The following CORO7 variants were observed in gnomAD, a reference collection of about 807,000 sequenced individuals.
The protein encoded by CORO7 is coronin 7.
In CORO7, 107 loss-of-function variants were observed where a neutral mutation model predicts 126.6. The ratio of observed to expected loss-of-function variants is 0.85; its 90% CI spans 0.72 to 0.99. The LOEUF (loss-of-function observed/expected upper bound fraction) is 0.99, where lower values mean the gene tolerates loss of function less well. CORO7 is among the 50% of genes least tolerant of loss of function. The pLI is 0.00. For missense variants in CORO7, 1,314 were observed against 1,255.8 expected (o/e 1.05, Z -0.70); for synonymous variants, 603 against 536.8 (o/e 1.12, Z -1.70).
intron 9 of CORO7, chr16:4,382,551 C>T (rs756341572): frequency 3.1e-6 from 5 of 1,593,860 alleles, no homozygotes; most frequent in Middle Eastern, 1.7e-4. Flanking sequence ...CACCCCCAGC[C>T]GTCCACTCCA....
At chr16:4,361,296 G>A in intron 17 of CORO7, 48 bp from the exon 18 acceptor site, 1 of 1,610,664 alleles carries the variant, frequency 6.2e-7, no homozygotes, top group Non-Finnish European at 8.5e-7. Context: ...CAAGACCTCT[G>A]GGCTCCCCAG....
chr16:4,382,835 T>G lies in CORO7; in HGVS notation c.785+5151A>C, dbSNP rs1210744880. ...CTGCCCAGCGGGTCTGAGTGTGAGG[T>G]GCCACTCATGGGCTTCCCAGGGCCT... On this transcript the variant is annotated intron_variant, in intron 9 of 27. Transcript: ENST00000251166. 4 of 1,597,598 alleles carry G rather than the reference T, an allele frequency of 2.5e-6. No homozygotes were observed. The East Asian group carries it at 6.8e-5, about 27-fold the overall frequency.
intron 3 of CORO7, among the ~76,000 whole-genome samples, chr16:4,409,670 G>A (rs1308159142): frequency 1.3e-5 from 2 of 152,228 alleles, no homozygotes; most frequent in African/African-American, 2.4e-5. Flanking sequence ...AGCATGACAT[G>A]CTGCTGCCTT....
intron 21 of CORO7, 86 bp downstream of exon 21, chr16:4,360,192 G>A: frequency 1.3e-6 from 2 of 1,572,666 alleles, no homozygotes; most frequent in Non-Finnish European, 1.7e-6. Context: ...AATGGTTTCT[G>A]AAAGCCTGAC....
At chr16:4,411,542 C>A (rs1262522599) in intron 3 of CORO7, among the ~76,000 whole-genome samples, 3 of 152,120 alleles carry the variant, frequency 2.0e-5, no homozygotes, top group African/African-American at 7.2e-5. Flanking sequence ...TCTCTATATA[C>A]TTTTTAAAAA....
intron 6 of CORO7, among the ~76,000 whole-genome samples, chr16:4,399,702 C>A (rs950664010): frequency 5.9e-5 from 9 of 152,100 alleles, no homozygotes; most frequent in Admixed American, 1.3e-4. Flanking sequence ...CCAGCCTAGG[C>A]AACACAGTGA....
intron 25 of CORO7, chr16:4,357,673 T>C (rs964820464): frequency 1.4e-4 from 60 of 438,642 alleles, no homozygotes; most frequent in African/African-American, 1.0e-3. Context: ...GGGATTTCTA[T>C]GGCGCAGATC....
At chr16:4,414,386 G>C (rs1049407504) in intron 1 of CORO7, 1 of 152,138 alleles carries the variant, frequency 6.6e-6, no homozygotes, top group Non-Finnish European at 1.5e-5. Context: ...CTGAAACTAA[G>C]ATCTGCAAGG....
intron 3 of CORO7, among the ~76,000 whole-genome samples, chr16:4,411,231 AT>A (rs2056197425): frequency 6.6e-6 from 1 of 152,152 alleles, no homozygotes. Flanking sequence ...TTTACAAAAA[AT>A]TTTTAAAAAT....
chr16:4,406,538 G>A (rs1480333520), intron 5 of CORO7, among the ~76,000 whole-genome samples: 1 of 152,066 alleles, frequency 6.6e-6, no homozygotes, highest in East Asian at 1.9e-4. Flanking sequence ...GGGCTCAAGC[G>A]ATCCTCCCAT....
At chr16:4,403,752 C>CCA (rs1188451849) in intron 6 of CORO7, among the ~76,000 whole-genome samples, 23 of 152,192 alleles carry the variant, frequency 1.5e-4, no homozygotes, top group Non-Finnish European at 2.9e-4. Context: ...AGGGCCTGGA[C>CCA]CACCACACCT....
chr16:4,388,185 C>A, intron 8 of CORO7, 117 bp from the exon 9 acceptor site: 3 of 1,366,164 alleles, frequency 2.2e-6, no homozygotes, highest in Non-Finnish European at 3.0e-6. Context: ...TGCCCCAGAG[C>A]AGGGCTTGGA....
rs377184466 is a variant in CORO7, at chr16:4,360,568, T to A, written c.1918-20A>T. On this transcript the variant is annotated intron_variant, in intron 19 of 27. Transcript: ENST00000251166. ...GAAGATCTGGGGGCAGGAAGGGATA[T>A]GAGAGACAGCCTTGCTTCACTGCTG... 3 of 1,578,002 alleles carry A rather than the reference T, an allele frequency of 1.9e-6. No individual in the cohort carries two copies. The African/African-American group carries it at 4.1e-5, about 21-fold the overall frequency.
Position 4,361,312 on chromosome 16 carries a change from A to C in CORO7, c.1687+49T>G, listed in dbSNP as rs778855488. 6.2e-6 allele frequency: 10 copies of C among 1,610,660 alleles called. No individual in the cohort carries two copies. In the South Asian group the frequency reaches 6.6e-5, roughly 11 times the overall value. ...AAGACCTCTGGGCTCCCCAGCCCCTATCCGGGACCCAGGACCCTCCCTCAA... is the reference window on the plus strand; with the variant it reads ...AAGACCTCTGGGCTCCCCAGCCCCTCTCCGGGACCCAGGACCCTCCCTCAA... On this transcript the variant is annotated intron_variant, in intron 17 of 27. Coordinates refer to ENST00000251166, the MANE Select transcript of CORO7 (RefSeq NM_024535.5).
At chr16:4,381,534 C>A (rs776748488) in intron 9 of CORO7, 3 of 1,603,792 alleles carry the variant, frequency 1.9e-6, no homozygotes, top group South Asian at 2.2e-5. Context: ...GCAACCTCCA[C>A]GACCTGGATG....
chr16:4,378,653 C>T (rs1039908662), intron 9 of CORO7, among the ~76,000 whole-genome samples: 3 of 152,064 alleles, frequency 2.0e-5, no homozygotes, highest in African/African-American at 4.8e-5. Flanking sequence ...GCCAGGGACG[C>T]GTGCCTGGGG....
At chr16:4,371,879 C>G (rs543705355) in intron 9 of CORO7, 2 of 152,112 alleles carry the variant, frequency 1.3e-5, no homozygotes, top group South Asian at 2.1e-4. Flanking sequence ...GGCGGGTGGA[C>G]GCGGACTCGA....
intron 27 of CORO7, 51 bp downstream of exon 27, chr16:4,355,235 T>A (rs372183745): frequency 2.5e-6 from 4 of 1,606,662 alleles, no homozygotes; most frequent in Non-Finnish European, 3.4e-6. Flanking sequence ...CACCGTGGCA[T>A]GTGCGAGGGA....
intron 14 of CORO7, among the ~76,000 whole-genome samples, chr16:4,364,038 T>C (rs2054268945): frequency 1.3e-5 from 2 of 151,942 alleles, no homozygotes; most frequent in Non-Finnish European, 2.9e-5. Flanking sequence ...AATTAAAATA[T>C]AGTCGGCCAT....
Sources: allele counts gnomAD v4.1 joint callset (sites outside exome capture counted in the v4.1 genomes callset), GRCh38; gene constraint gnomAD v4.1.1; transcripts MANE v1.5; gene names NCBI Gene and HGNC (gene_info 2026-07-23, HGNC 2026-07-21).